Variants in ABCA7 observed in about 807,000 individuals in gnomAD.
ABCA7 encodes the protein ATP binding cassette subfamily A member 7.
ABCA7 carries 261 observed loss-of-function variants against 227.6 expected under a neutral mutation model. The observed-to-expected ratio is 1.15, with a 90% CI of 1.04 to 1.27. The LOEUF is 1.27. Ranked by LOEUF, ABCA7 falls within the 50% of genes most tolerant of loss-of-function variation. The probability of loss-of-function intolerance (pLI) is 0.00; values close to 1 mark genes in which losing one functional copy is unlikely to be tolerated. For synonymous variants in ABCA7, 1,488 were observed against 1,279.7 expected (o/e 1.16, Z -3.47); for missense variants, 3,331 against 2,924.5 (o/e 1.14, Z -3.21).
chr19:1,047,448 C>T lies in ABCA7; in HGVS notation c.2068-5C>T, dbSNP rs1223073310. The T allele has an allele frequency of 6.5e-7, 1 of 1,541,764 alleles. No individual in the cohort carries two copies. The highest frequency in any genetic ancestry group is 1.4e-5 in the African/African-American group (1 of 73,540). Reference sequence around the variant, plus strand: ...GCCGCTCACTGACCGCCCGCTTTTCCGCAGAGCCTGCTGTCGCCCGTGGCC... The same window carrying T: ...GCCGCTCACTGACCGCCCGCTTTTCTGCAGAGCCTGCTGTCGCCCGTGGCC... On this transcript the variant is annotated splice_polypyrimidine_tract_variant and splice_region_variant and intron_variant, in intron 15 of 46. Coordinates refer to ENST00000263094, the MANE Select transcript of ABCA7 (RefSeq NM_019112.4).
At position 1,046,232 on chromosome 19, in the gene ABCA7, T is replaced by A. The variant is rs758278447; in HGVS notation, c.1448T>A (p.Phe483Tyr). Residue 483 changes from phenylalanine to tyrosine, a missense_variant and splice_region_variant, in exon 13 of 47, where the codon TTT (phenylalanine) becomes TAT (tyrosine). Coordinates refer to ENST00000263094, the MANE Select transcript of ABCA7 (RefSeq NM_019112.4). ...VTRTNKIRDRFWDPGPAADPL... is the reference protein window; with the variant it reads ...VTRTNKIRDRYWDPGPAADPL... ...CGGCCACCATGCCCCTCTCGCAGGTTTTGGGACCCTGGCCCAGCCGCGGAC... is the reference window on the plus strand; with the variant it reads ...CGGCCACCATGCCCCTCTCGCAGGTATTGGGACCCTGGCCCAGCCGCGGAC... 6.2e-7 allele frequency: 1 copy of A among 1,606,696 alleles called. No homozygotes were observed. The highest frequency in any genetic ancestry group is 8.5e-7 in the Non-Finnish European group (1 of 1,179,580).
chr19:1,051,290 C>T lies in ABCA7; in HGVS notation c.2820C>T (p.Leu940=), dbSNP rs766947784. 2.5e-6 allele frequency: 4 copies of T among 1,594,840 alleles called. No individual in the cohort carries two copies. In the Admixed American group the frequency reaches 5.1e-5, roughly 20 times the overall value. ...VSKQSVQTRH[L]SGGMQRKLSV... ...AGCAGAGTGTGCAGACTCGCCACCT[C>T]TCTGGTGAGCCCATCCCCAAGGGAG... Residue 940 remains leucine (L), a synonymous_variant, in exon 20 of 47, where the codon CTC becomes CTT. Transcript: ENST00000263094.
Position 1,049,355 on chromosome 19 carries a change from C to T in ABCA7, c.2470C>T (p.Leu824=). The T allele has an allele frequency of 6.2e-7, 1 of 1,611,612 alleles. No homozygotes were observed. Among genetic ancestry groups the T allele is most frequent in the Non-Finnish European group, 8.5e-7 (1 of 1,179,234 alleles). The change falls in exon 18 of 47, where the codon CTG becomes TTG. Residue 824 remains leucine, a synonymous_variant. Coordinates refer to ENST00000263094, the MANE Select transcript of ABCA7 (RefSeq NM_019112.4). ...KRFPGSPQPA[L]RGLSLDFYQG... is the part of the protein sequence containing the mutation. ...CTTTCCTGGAAGCCCGCAGCCAGCC[C>T]TGCGGGGGCTCAGCCTGGACTTCTA... is the stretch of plus-strand genomic sequence containing the variant.
rs577218309 is a variant in ABCA7, at chr19:1,064,210, G to A, written c.6001G>A (p.Gly2001Arg). 13 of 1,577,480 alleles carry A rather than the reference G, an allele frequency of 8.2e-6. No homozygotes were observed. The African/African-American group carries it at 1.1e-4, about 13-fold the overall frequency. Residue 2001 changes from glycine (G) to arginine (R), a missense_variant, in exon 45 of 47, where the codon GGG becomes AGG. Gly to Arg is a moderately radical substitution (Grantham distance 125). Coordinates refer to ENST00000263094, the MANE Select transcript of ABCA7 (RefSeq NM_019112.4). ...LCSRLAIMVN[G>R]RFRCLGSPQH... ...CTCGCGCCTGGCCATCATGGTGAATGGGCGGTTCCGCTGCCTGGGCAGCCC... is the reference window on the plus strand; with the variant it reads ...CTCGCGCCTGGCCATCATGGTGAATAGGCGGTTCCGCTGCCTGGGCAGCCC...
At chr19:1,059,757 C>T (rs1400550426) in intron 40 of ABCA7, among the ~76,000 whole-genome samples, 3 of 142,050 alleles carry the variant, frequency 2.1e-5, no homozygotes, top group Admixed American at 7.0e-5. Flanking sequence ...AGAGACAGGG[C>T]TTCACCATAT....
rs1442541962 is a variant in ABCA7, at chr19:1,054,744, G to T, written c.3852-36G>T. The T allele has an allele frequency of 6.2e-7, 1 of 1,607,702 alleles. No individual in the cohort carries two copies. Among genetic ancestry groups the T allele is most frequent in the East Asian group, 2.2e-5 (1 of 44,664 alleles). On this transcript the variant is annotated intron_variant, in intron 28 of 46. Transcript: ENST00000263094. This position sits in a 1 kb window ranked among gnomAD's most constrained non-coding sequence, Gnocchi z 4.8. ...TGGCAGGAAGACTAGGGACCTGGGGGTACAGCCCTGACCCTACATCTCCCC... is the reference window on the plus strand; with the variant it reads ...TGGCAGGAAGACTAGGGACCTGGGGTTACAGCCCTGACCCTACATCTCCCC...
At chr19:1,057,874 A>G (rs201605917) in intron 35 of ABCA7, 41 bp from the exon 36 acceptor site, 1 of 1,609,792 alleles carries the variant, frequency 6.2e-7, no homozygotes, top group Admixed American at 1.7e-5. Flanking sequence ...AGGGCTTCTC[A>G]GTCTGAGTGG....
intron 23 of ABCA7, 112 bp from the exon 24 acceptor site, chr19:1,053,217 T>G: frequency 2.6e-6 from 3 of 1,172,964 alleles, no homozygotes; most frequent in Non-Finnish European, 3.6e-6. Flanking sequence ...TTCTTAACCC[T>G]GATCTCTGTC....
Position 1,056,224 on chromosome 19 carries a change from A to G in ABCA7, c.4397A>G (p.Asp1466Gly), listed in dbSNP as rs1409627662. 6 of 1,599,182 alleles carry G rather than the reference A, an allele frequency of 3.8e-6. No homozygotes were observed. The highest frequency in any genetic ancestry group is 5.1e-6 in the Non-Finnish European group (6 of 1,173,850). The change falls in exon 32 of 47, where the codon GAT becomes GGT. Residue 1466 changes from aspartate (D) to glycine (G), a missense_variant. Physicochemically the swap from Asp to Gly is moderately conservative, Grantham distance 94. Transcript: ENST00000263094. This position sits in a 1 kb window ranked among gnomAD's most constrained non-coding sequence, Gnocchi z 4.3. ...KNLTAWAHSL[D>G]AQDSLKIWFN... ...CTCACAGCCTGGGCTCACAGCCTGGATGCTCAGGACAGTCTCAAGGTGGGA... is the reference window on the plus strand; with the variant it reads ...CTCACAGCCTGGGCTCACAGCCTGGGTGCTCAGGACAGTCTCAAGGTGGGA...
chr19:1,041,999 G>C, intron 4 of ABCA7, 27 bp downstream of exon 4: 1 of 1,576,760 alleles, frequency 6.3e-7, no homozygotes, highest in Non-Finnish European at 8.6e-7. Context: ...GGGTGCGGCC[G>C]GCCTGCAAAC....
chr19:1,040,437 C>A (rs191781958), intron 1 of ABCA7, among the ~76,000 whole-genome samples: 76 of 152,290 alleles, frequency 5.0e-4, no homozygotes, highest in Admixed American at 1.3e-3. Context: ...CCTGCACTCC[C>A]CCTTGCCCCG....
At chr19:1,053,896 C>T in intron 25 of ABCA7, 60 bp downstream of exon 25, 1 of 1,593,060 alleles carries the variant, frequency 6.3e-7, no homozygotes. Flanking sequence ...AGGCCAGGTC[C>T]CCATCCCTGG....
In ABCA7 at chr19:1,049,258, C is replaced by T. The variant is rs891689261; in HGVS notation, c.2381-8C>T. On this transcript the variant is annotated splice_polypyrimidine_tract_variant and splice_region_variant and intron_variant, in intron 17 of 46. Transcript: ENST00000263094. ...ACCTCCATGGCTGAGTCCACCCCAT[C>T]TCTGCAGTGCTGGTAGAAGAGGCAC... The T allele has an allele frequency of 3.8e-6, 6 of 1,590,380 alleles. No homozygotes were observed. The highest frequency in any genetic ancestry group is 5.2e-6 in the Non-Finnish European group (6 of 1,164,654).
intron 30 of ABCA7, 133 bp downstream of exon 30, chr19:1,055,484 G>C (rs888365692): frequency 6.2e-6 from 6 of 962,396 alleles, no homozygotes; most frequent in Non-Finnish European, 7.2e-6. Context: ...GGAGTCTCGC[G>C]TACCTTCCTT....
chr19:1,058,597 C>G (rs1307501297), intron 37 of ABCA7, 21 bp from the exon 38 acceptor site: 1 of 1,612,778 alleles, frequency 6.2e-7, no homozygotes, highest in Admixed American at 1.7e-5. Flanking sequence ...TGGACCCAGT[C>G]CCTCCTTTCT....
In ABCA7 at chr19:1,056,564, T is replaced by G. The variant is rs10413245; in HGVS notation, c.4586+65T>G. 4.2e-3 allele frequency: 6,485 copies of G among 1,526,716 alleles called. 243 individuals carry two copies. In the African/African-American group the frequency reaches 0.077, roughly 18 times the overall value. 94.6% of individuals were successfully genotyped at this position (1,526,716 alleles called of 1,614,324 possible). On this transcript the variant is annotated intron_variant, in intron 33 of 46. Transcript: ENST00000263094. This position sits in a 1 kb window ranked among gnomAD's most constrained non-coding sequence, Gnocchi z 4.3. ...TACCCTGCCTCCATTTCTCTGTCGTTTGGGGTGGTGGGAGCTGGATTTGAA... is the reference window on the plus strand; with the variant it reads ...TACCCTGCCTCCATTTCTCTGTCGTGTGGGGTGGTGGGAGCTGGATTTGAA...
intron 16 of ABCA7, among the ~76,000 whole-genome samples, chr19:1,048,521 A>AAAAAAAAAAAAAAAG (rs2040978373): frequency 7.0e-6 from 1 of 142,902 alleles, no homozygotes; most frequent in African/African-American, 2.6e-5. Flanking sequence ...AAAAAAAAAA[A>AAAAAAAAAAAAAAAG]AAACAAGGCC....
rs1056111423 is a variant in ABCA7, at chr19:1,050,186, G to A, written c.2553-735G>A. Reference sequence around the variant, plus strand: ...AGCACTTGGGCAAGCCGAGGTGGGAGGATTGCCTGAGGTCAGAGTTTGAGA... The same window carrying A: ...AGCACTTGGGCAAGCCGAGGTGGGAAGATTGCCTGAGGTCAGAGTTTGAGA... On this transcript the variant is annotated intron_variant, in intron 18 of 46. Transcript: ENST00000263094. Among the ~76,000 whole-genome samples the A allele has an allele frequency of 5.9e-5, 9 of 151,704 alleles. No homozygotes were observed. In the East Asian group the frequency reaches 1.6e-3, roughly 27 times the overall value.
chr19:1,062,093 G>A, intron 41 of ABCA7, 79 bp from the exon 42 acceptor site: 1 of 1,565,922 alleles, frequency 6.4e-7, no homozygotes. Flanking sequence ...GGATGGGTGG[G>A]CCCTGAGACC....
Sources: gnomAD v4.1 joint callset for allele counts (sites outside exome capture counted in the v4.1 genomes callset) on GRCh38, gnomAD v4.1.1 for gene constraint, Gnocchi (gnomAD v3.1) non-coding constraint, MANE v1.5 for transcripts, NCBI Gene and HGNC (gene_info 2026-07-23, HGNC 2026-07-21) for gene names.